Variants in C8orf90 observed in about 807,000 individuals in gnomAD.
The protein encoded by C8orf90 is uncharacterized protein C8orf90.
the C8orf90 span, among the ~76,000 whole-genome samples, chr8:141,514,974 G>A: frequency 2.0e-5 from 3 of 151,990 alleles, no homozygotes; most frequent in Admixed American, 1.3e-4. Flanking sequence ...TCCTCCCTAC[G>A]CTCCCCAATG....
the C8orf90 span, among the ~76,000 whole-genome samples, chr8:141,516,015 C>T: frequency 6.6e-6 from 1 of 152,176 alleles, no homozygotes; most frequent in African/African-American, 2.4e-5. Flanking sequence ...GAGGACTTTG[C>T]TGGTGCCCAC....
the C8orf90 span, among the ~76,000 whole-genome samples, chr8:141,515,741 AC>A: frequency 3.0e-4 from 45 of 151,998 alleles, no homozygotes; most frequent in Admixed American, 1.7e-3. Context: ...GTTTTCTTGT[AC>A]TAGTCTGGCA....
At chr8:141,518,641 C>G in the C8orf90 span, 2 of 538,466 alleles carry the variant, frequency 3.7e-6, no homozygotes, top group Non-Finnish European at 6.6e-6. Flanking sequence ...GAGCCCGAGG[C>G]CAGCGCTTCC....
the C8orf90 span, chr8:141,518,662 C>A: frequency 1.8e-6 from 1 of 544,934 alleles, no homozygotes; most frequent in East Asian, 3.5e-5. Flanking sequence ...AGCGACGGCA[C>A]CCCCAGGCTG....
the C8orf90 span, chr8:141,518,546 A>G: frequency 3.9e-6 from 2 of 516,086 alleles, no homozygotes; most frequent in Non-Finnish European, 6.7e-6. Context: ...CGGCGCCTGG[A>G]GCGGCTGGCC....
At chr8:141,517,625 C>T in the C8orf90 span, among the ~76,000 whole-genome samples, 1 of 152,220 alleles carries the variant, frequency 6.6e-6, no homozygotes, top group Non-Finnish European at 1.5e-5. Flanking sequence ...AGGCTGCGAG[C>T]CAGGCTGTTC....
the C8orf90 span, among the ~76,000 whole-genome samples, chr8:141,516,279 C>T: frequency 1.3e-5 from 2 of 152,226 alleles, no homozygotes. Flanking sequence ...TCCTGCCCTA[C>T]TTCTCTGCTC....
the C8orf90 span, chr8:141,518,390 C>A: frequency 8.9e-6 from 6 of 675,586 alleles, no homozygotes; most frequent in South Asian, 9.3e-5. Context: ...TTCGCCTGGC[C>A]GCCGGGGTCC....
At chr8:141,518,481 G>T in the C8orf90 span, 3 of 638,386 alleles carry the variant, frequency 4.7e-6, no homozygotes, top group Non-Finnish European at 8.4e-6. Flanking sequence ...CCGGAGCTTC[G>T]CCCCCAGCGC....
At chr8:141,518,620 C>G in the C8orf90 span, 6 of 504,570 alleles carry the variant, frequency 1.2e-5, no homozygotes, top group South Asian at 1.7e-4. Context: ...GGCCCCGCCG[C>G]CGCCTTCCCG....
chr8:141,514,970 C>T, the C8orf90 span, among the ~76,000 whole-genome samples: 2 of 152,008 alleles, frequency 1.3e-5, no homozygotes, highest in African/African-American at 4.8e-5. Context: ...CTTCTCCTCC[C>T]TACGCTCCCC....
the C8orf90 span, among the ~76,000 whole-genome samples, chr8:141,517,037 C>G: frequency 2.0e-4 from 31 of 152,296 alleles, no homozygotes; most frequent in African/African-American, 7.2e-4. Context: ...AATATTTGTG[C>G]AGAGGGAAGA....
chr8:141,515,701 G>T, the C8orf90 span, among the ~76,000 whole-genome samples: 1 of 151,992 alleles, frequency 6.6e-6, no homozygotes, highest in Admixed American at 6.5e-5. Context: ...TCTTTGCCAT[G>T]GCCTCTGCCC....
chr8:141,517,036 G>A, the C8orf90 span, among the ~76,000 whole-genome samples: 25 of 152,328 alleles, frequency 1.6e-4, no homozygotes, highest in Non-Finnish European at 2.6e-4. Flanking sequence ...GAATATTTGT[G>A]CAGAGGGAAG....
At chr8:141,518,633 G>T in the C8orf90 span, 1 of 526,008 alleles carries the variant, frequency 1.9e-6, no homozygotes, top group South Asian at 2.5e-5. Flanking sequence ...CCTTCCCGGA[G>T]CCCGAGGCCA....
chr8:141,518,707 A>G, the C8orf90 span: 1 of 513,650 alleles, frequency 1.9e-6, no homozygotes, highest in Non-Finnish European at 3.4e-6. Context: ...GAGCGAACAG[A>G]ATAAATAAAG....
chr8:141,515,701 G>A, the C8orf90 span, among the ~76,000 whole-genome samples: 909 of 152,108 alleles, frequency 6.0e-3, 35 homozygotes, highest in East Asian at 0.1. Context: ...TCTTTGCCAT[G>A]GCCTCTGCCC....
At chr8:141,518,378 C>T in the C8orf90 span, 19 of 676,946 alleles carry the variant, frequency 2.8e-5, no homozygotes, top group East Asian at 4.2e-4. Flanking sequence ...CTGCCCTTCC[C>T]GTTCGCCTGG....
At chr8:141,515,984 G>T in the C8orf90 span, among the ~76,000 whole-genome samples, 28 of 152,200 alleles carry the variant, frequency 1.8e-4, no homozygotes, top group African/African-American at 6.0e-4. Context: ...CTCCTTCCCT[G>T]AGAAGCTGAA....
Sources: gnomAD v4.1 joint callset for allele counts (sites outside exome capture counted in the v4.1 genomes callset) on GRCh38, gnomAD v4.1.1 for gene constraint, MANE v1.5 for transcripts, NCBI Gene and HGNC (gene_info 2026-07-23, HGNC 2026-07-21) for gene names.